AKR1C4: variants seen among roughly 807,000 people sequenced by gnomAD.
AKR1C4 encodes aldo-keto reductase family 1 member C4.
A neutral mutation model predicts 41.0 loss-of-function variants in AKR1C4; 44 were observed. That is an observed-to-expected ratio of 1.07 (90% confidence interval 0.84 to 1.38). The LOEUF (loss-of-function observed/expected upper bound fraction) is 1.38. Ranked by LOEUF, AKR1C4 falls within the 40% of genes most tolerant of loss-of-function variation. AKR1C4 has a pLI of 0.00. For synonymous variants in AKR1C4, 165 were observed against 137.7 expected, an observed-to-expected ratio of 1.20 and a Z score of -1.39; for missense variants, 438 against 387.9, an observed-to-expected ratio of 1.13 and a Z score of -1.09.
At chr10:5,202,619 C>A (rs1564400771) in intron 2 of AKR1C4, 1 of 305,568 alleles carries the variant, frequency 3.3e-6, no homozygotes, top group Non-Finnish European at 6.6e-6. Flanking sequence ...TTTCTCCATT[C>A]AGTATGATGT....
At chr10:5,210,025 T>A (rs1055709378) in intron 5 of AKR1C4, among the ~76,000 whole-genome samples, 1 of 152,178 alleles carries the variant, frequency 6.6e-6, no homozygotes, top group Non-Finnish European at 1.5e-5. Flanking sequence ...CCTATAAGCC[T>A]GTAAACTCAA....
At chr10:5,204,564 C>A in intron 3 of AKR1C4, 71 bp downstream of exon 3, 1 of 1,192,012 alleles carries the variant, frequency 8.4e-7, no homozygotes, top group Non-Finnish European at 1.3e-6. Context: ...TTGAATTGAA[C>A]TTCTTCTAAG....
chr10:5,205,967 C>T (rs1295534983), intron 4 of AKR1C4, 133 bp downstream of exon 4: 2 of 1,030,900 alleles, frequency 1.9e-6, no homozygotes, highest in Non-Finnish European at 2.8e-6. Context: ...GGAAGTTTTG[C>T]TGAGTGGTAG....
chr10:5,215,043 A>T (rs77560553), intron 7 of AKR1C4, among the ~76,000 whole-genome samples: 2,086 of 152,294 alleles, frequency 0.014, 37 homozygotes, highest in African/African-American at 0.047. Context: ...ATAAATTTGG[A>T]TTTCAGTATT....
intron 2 of AKR1C4, among the ~76,000 whole-genome samples, chr10:5,201,366 G>A (rs1554796914): frequency 6.6e-6 from 1 of 152,070 alleles, no homozygotes; most frequent in Non-Finnish European, 1.5e-5. Flanking sequence ...GTTATGTTGA[G>A]CATTTTTTCA....
intron 5 of AKR1C4, 100 bp downstream of exon 5, chr10:5,206,497 C>A: frequency 6.4e-7 from 1 of 1,570,412 alleles, no homozygotes. Context: ...ATTTGTGAAA[C>A]AGAAGATTCT....
At chr10:5,203,108 C>T (rs1201145285) in intron 2 of AKR1C4, among the ~76,000 whole-genome samples, 1 of 152,024 alleles carries the variant, frequency 6.6e-6, no homozygotes, top group Non-Finnish European at 1.5e-5. Flanking sequence ...CTTTGAACAT[C>T]TCCTGTGGAG....
At position 5,196,955 on chromosome 10, in the gene AKR1C4, A is replaced by G; in HGVS notation, c.84+4A>G. 6.2e-7 allele frequency: 1 copy of G among 1,613,232 alleles called. No homozygotes were observed. The highest frequency in any genetic ancestry group is 8.5e-7 in the Non-Finnish European group (1 of 1,179,156). ...TGGCACCTATGCACCTCCAGAGGTA[A>G]TAATCACATTTTCAGCATTGAGCAT... is the stretch of plus-strand genomic sequence containing the variant. On this transcript the variant is annotated splice_donor_region_variant and intron_variant, in intron 1 of 8. Coordinates refer to ENST00000263126, the MANE Select transcript of AKR1C4 (RefSeq NM_001818.5).
chr10:5,201,697 TAAG>T (rs1309579457), intron 2 of AKR1C4, among the ~76,000 whole-genome samples: 1 of 152,202 alleles, frequency 6.6e-6, no homozygotes, highest in Admixed American at 6.5e-5. Context: ...AGGCCAATGT[TAAG>T]AAGAGTTTTC....
intron 2 of AKR1C4, among the ~76,000 whole-genome samples, chr10:5,202,269 C>T (rs1471315079): frequency 6.6e-6 from 1 of 151,974 alleles, no homozygotes; most frequent in Non-Finnish European, 1.5e-5. Flanking sequence ...ATTTTATTTG[C>T]AGCTGTTGTA....
At chr10:5,203,289 C>T (rs1832430670) in intron 2 of AKR1C4, among the ~76,000 whole-genome samples, 1 of 152,156 alleles carries the variant, frequency 6.6e-6, no homozygotes, top group Non-Finnish European at 1.5e-5. Context: ...TTAGGAGCTT[C>T]TTTCGATCTG....
chr10:5,202,939 TTGTGTG>T (rs57414547), intron 2 of AKR1C4, among the ~76,000 whole-genome samples: 41,364 of 138,840 alleles, frequency 0.3, 6,635 homozygotes, highest in Non-Finnish European at 0.39. Flanking sequence ...TAGTTTTCTT[TTGTGTG>T]TGTGTGTGTG....
intron 5 of AKR1C4, among the ~76,000 whole-genome samples, chr10:5,206,614 G>T (rs1832492100): frequency 6.6e-6 from 1 of 152,150 alleles, no homozygotes; most frequent in African/African-American, 2.4e-5. Flanking sequence ...TAAATTGTGT[G>T]TACTATTTTT....
At chr10:5,210,299 C>A (rs571947665) in intron 5 of AKR1C4, among the ~76,000 whole-genome samples, 99 of 152,312 alleles carry the variant, frequency 6.5e-4, no homozygotes, top group African/African-American at 2.4e-3. Context: ...TGTGGCTTTG[C>A]AGGGTACAGC....
intron 2 of AKR1C4, among the ~76,000 whole-genome samples, chr10:5,200,776 T>C (rs1190070654): frequency 1.3e-5 from 2 of 152,170 alleles, no homozygotes; most frequent in African/African-American, 4.8e-5. Flanking sequence ...TAACCCACAC[T>C]GAGTCTTGAA....
At position 5,207,633 on chromosome 10, in the gene AKR1C4, T is replaced by A. The variant is rs1832509985; in HGVS notation, c.570+1236T>A. On this transcript the variant is annotated intron_variant, in intron 5 of 8. Transcript: ENST00000263126. ...CAATGGTTGAACTAAGCTCATCAAC[T>A]CCTTGGCATTTGCAGCCTACCTGTG... The A allele has an allele frequency of 4.3e-6, 5 of 1,166,584 alleles. No homozygotes were observed. In the South Asian group the frequency reaches 6.0e-5, roughly 14 times the overall value. 72.3% of individuals were successfully genotyped at this position (1,166,584 alleles called of 1,614,324 possible). A position where few individuals can be genotyped will look rare whatever the true frequency, so the allele number is the denominator to read the frequency against.
chr10:5,202,512 A>G (rs1554797016), intron 2 of AKR1C4: 1 of 455,214 alleles, frequency 2.2e-6, no homozygotes, highest in Non-Finnish European at 4.4e-6. Context: ...ACCTTGCCTG[A>G]TTACTCTGGC....
rs782789967 is a variant in AKR1C4, at chr10:5,200,264, T to C, written c.168T>C (p.Asn56=). The C allele has an allele frequency of 1.9e-6, 3 of 1,613,450 alleles. No individual in the cohort carries two copies. Among genetic ancestry groups the C allele is most frequent in the East Asian group, 2.2e-5 (1 of 44,884 alleles). ...FRHIDSAYLY[N]NEEQVGLAIR... The stretch of plus-strand genomic sequence containing the variant: ...ATATTGATTCTGCTTATTTATACAA[T>C]AATGAGGAGCAGGTTGGACTGGCCA... The change falls in exon 2 of 9, where the codon AAT becomes AAC. Residue 56 remains asparagine, a synonymous_variant. Coordinates refer to ENST00000263126, the MANE Select transcript of AKR1C4 (RefSeq NM_001818.5).
At chr10:5,214,749 T>C (rs559989996) in intron 7 of AKR1C4, among the ~76,000 whole-genome samples, 135 of 152,232 alleles carry the variant, frequency 8.9e-4, no homozygotes, top group African/African-American at 2.9e-3. Flanking sequence ...TTACCTAGAC[T>C]CATCAATTGT....
Sources: gnomAD v4.1 joint callset for allele counts (sites outside exome capture counted in the v4.1 genomes callset) on GRCh38, gnomAD v4.1.1 for gene constraint, MANE v1.5 for transcripts, NCBI Gene and HGNC (gene_info 2026-07-23, HGNC 2026-07-21) for gene names.